Variants in TMEM63C observed in about 807,000 individuals in gnomAD.
The protein encoded by TMEM63C is osmosensitive cation channel TMEM63C.
A neutral mutation model predicts 99.2 loss-of-function variants in TMEM63C; 32 were observed. The ratio of observed to expected loss-of-function variants is 0.32; its 90% CI spans 0.24 to 0.43. TMEM63C has a LOEUF of 0.43. Among genes scored for constraint, TMEM63C ranks in the 20% least tolerant of loss-of-function variants. The probability of loss-of-function intolerance (pLI) is 1.00; values close to 1 mark genes in which losing one functional copy is unlikely to be tolerated. For missense variants in TMEM63C, 826 were observed against 1,053.0 expected (o/e 0.78, Z 2.98); for synonymous variants, 376 against 397.9 (o/e 0.94, Z 0.66).
chr14:77,202,474 T>G (rs1888314865), intron 1 of TMEM63C, among the ~76,000 whole-genome samples: 1 of 152,146 alleles, frequency 6.6e-6, no homozygotes, highest in Non-Finnish European at 1.5e-5. Flanking sequence ...GAAATCAAGG[T>G]GTCAGCAGGG....
chr14:77,240,708 G>A, intron 13 of TMEM63C, 100 bp downstream of exon 13: 1 of 1,449,188 alleles, frequency 6.9e-7, no homozygotes, highest in Non-Finnish European at 9.3e-7. Flanking sequence ...GCCTCCCCTG[G>A]GCCCTCCATG....
At chr14:77,194,889 C>T (rs1266776891) in intron 1 of TMEM63C, among the ~76,000 whole-genome samples, 3 of 151,840 alleles carry the variant, frequency 2.0e-5, no homozygotes, top group East Asian at 1.9e-4. Context: ...GCGTGGATTT[C>T]GTTTTCATTG....
intron 1 of TMEM63C, among the ~76,000 whole-genome samples, chr14:77,208,983 C>A (rs1482292734): frequency 6.6e-6 from 1 of 152,088 alleles, no homozygotes; most frequent in African/African-American, 2.4e-5. Context: ...AATCCTCTCA[C>A]CCCATGCTGA....
intron 10 of TMEM63C, 37 bp from the exon 11 acceptor site, chr14:77,239,375 C>G: frequency 6.2e-7 from 1 of 1,610,466 alleles, no homozygotes; most frequent in Non-Finnish European, 8.5e-7. Flanking sequence ...ATCCCCAACC[C>G]CACAGGCCGA....
chr14:77,223,256 A>G (rs577988057), intron 5 of TMEM63C, among the ~76,000 whole-genome samples: 3 of 152,206 alleles, frequency 2.0e-5, no homozygotes, highest in Non-Finnish European at 4.4e-5. Flanking sequence ...AAAATCTAAG[A>G]AGATAAATCC....
chr14:77,256,779 G>A lies in TMEM63C; in HGVS notation c.*53G>A, dbSNP rs1889471034. 6 of 1,562,638 alleles carry A rather than the reference G, an allele frequency of 3.8e-6. No homozygotes were observed. Among genetic ancestry groups the A allele is most frequent in the Middle Eastern group, 3.8e-4 (2 of 5,308 alleles). On this transcript the variant is annotated 3_prime_UTR_variant, in exon 24 of 24. Coordinates refer to ENST00000298351, the MANE Select transcript of TMEM63C (RefSeq NM_020431.4). ...TTGTTGAGGGGTCAGGGGAGGGCCT[G>A]GCAAGGGGAGGCAGGAGGGTGGCCT...
chr14:77,248,819 T>C lies in TMEM63C; in HGVS notation c.1817T>C (p.Val606Ala), dbSNP rs1197588876. The C allele has an allele frequency of 1.2e-6, 2 of 1,614,052 alleles. No homozygotes were observed. The highest frequency in any genetic ancestry group is 2.2e-5 in the East Asian group (1 of 44,888). ...CGTGAGTATGCGTGGATGATGAACG[T>C]GTTCAGCGTGGTGATGGCGTACAGC... ...FGREYAWMMNVFSVVMAYSIT... is the reference protein window; with the variant it reads ...FGREYAWMMNAFSVVMAYSIT... Residue 606 changes from valine to alanine, a missense_variant, in exon 20 of 24, where the codon GTG becomes GCG. Physicochemically the swap from Val to Ala is moderately conservative, Grantham distance 64. Coordinates refer to ENST00000298351, the MANE Select transcript of TMEM63C (RefSeq NM_020431.4).
chr14:77,188,554 G>T (rs72725321), intron 1 of TMEM63C, among the ~76,000 whole-genome samples: 36,811 of 152,136 alleles, frequency 0.24, 5,343 homozygotes, highest in Admixed American at 0.38. Flanking sequence ...GGTATCTAGG[G>T]CAGCAATGCT....
chr14:77,259,168 C>T lies in TMEM63C; in HGVS notation c.*2442C>T, dbSNP rs1889535874. 6.5e-6 allele frequency: 1 copy of T among 153,150 alleles called. No homozygotes were observed. Among genetic ancestry groups the T allele is most frequent in the South Asian group, 2.1e-4 (1 of 4,858 alleles). The allele number at this position is 153,150 out of a possible 1,614,324, so 9.5% of individuals were successfully genotyped here. A position where few individuals can be genotyped will look rare whatever the true frequency, so the allele number is the denominator to read the frequency against. On this transcript the variant is annotated 3_prime_UTR_variant, in exon 24 of 24. Transcript: ENST00000298351. ...ATCCCACTCCTCTGCCAGCCACTTCCCAGCCGCCCCACCCCACTCCATCCA... is the reference window on the plus strand; with the variant it reads ...ATCCCACTCCTCTGCCAGCCACTTCTCAGCCGCCCCACCCCACTCCATCCA...
At chr14:77,245,062 A>G (rs1889246259) in intron 16 of TMEM63C, among the ~76,000 whole-genome samples, 1 of 152,236 alleles carries the variant, frequency 6.6e-6, no homozygotes, top group Non-Finnish European at 1.5e-5. Flanking sequence ...TTTCCGCACC[A>G]AAAGTTCCTA....
intron 14 of TMEM63C, 96 bp from the exon 15 acceptor site, chr14:77,242,807 G>C: frequency 6.9e-7 from 1 of 1,451,246 alleles, no homozygotes; most frequent in African/African-American, 1.4e-5. Context: ...GATTAGACCA[G>C]GGCAGGCTGG....
At chr14:77,208,867 C>T (rs1888448588) in intron 1 of TMEM63C, among the ~76,000 whole-genome samples, 1 of 152,194 alleles carries the variant, frequency 6.6e-6, no homozygotes. Context: ...AATGCCTTTG[C>T]CCAGCATGGT....
In TMEM63C at chr14:77,249,437, T is replaced by G. The variant is rs1244124519; in HGVS notation, c.2017T>G (p.Phe673Val). 6.2e-7 allele frequency: 1 copy of G among 1,614,034 alleles called. No homozygotes were observed. Among genetic ancestry groups the G allele is most frequent in the Non-Finnish European group, 8.5e-7 (1 of 1,179,898 alleles). The change falls in exon 21 of 24, where the codon TTC becomes GTC. Residue 673 changes from phenylalanine to valine, a missense_variant. Physicochemically the swap from Phe to Val is conservative, Grantham distance 50. Coordinates refer to ENST00000298351, the MANE Select transcript of TMEM63C (RefSeq NM_020431.4). The part of the protein sequence containing the change: ...APLLGLFWML[F>V]FSILRLGSLH... ...ACTCTTGGGTCTGTTCTGGATGCTG[T>G]TCTTCTCCATCCTGCGGTTGGGTAG... is the stretch of plus-strand genomic sequence containing the variant.
chr14:77,220,856 T>C lies in TMEM63C; in HGVS notation c.312+769T>C, dbSNP rs1487809776. 5.0e-4 allele frequency among the ~76,000 whole-genome samples: 42 copies of C among 83,644 alleles called. No homozygotes were observed. In the East Asian group the frequency reaches 6.1e-3, roughly 12 times the overall value. 54.9% of individuals were successfully genotyped at this position (83,644 alleles called of 152,430 possible). Reference sequence around the variant, plus strand: ...GCTGCTGTCACCACTTCCTCACCTCTCACTCACGCCCCGCCTCCCACTCAC... The same window carrying C: ...GCTGCTGTCACCACTTCCTCACCTCCCACTCACGCCCCGCCTCCCACTCAC... On this transcript the variant is annotated intron_variant, in intron 5 of 23. Transcript: ENST00000298351.
chr14:77,201,551 C>T (rs1003116769), intron 1 of TMEM63C, among the ~76,000 whole-genome samples: 18 of 152,116 alleles, frequency 1.2e-4, no homozygotes, highest in Non-Finnish European at 2.5e-4. Context: ...GTGTGAGGTC[C>T]CTGGCCCAGC....
intron 2 of TMEM63C, 29 bp from the exon 3 acceptor site, chr14:77,218,772 A>C: frequency 6.2e-7 from 1 of 1,609,430 alleles, no homozygotes; most frequent in South Asian, 1.1e-5. Context: ...GAGTCTTTGC[A>C]TCTGACCTGG....
At chr14:77,254,233 G>A (rs1189785174) in intron 23 of TMEM63C, among the ~76,000 whole-genome samples, 11 of 152,208 alleles carry the variant, frequency 7.2e-5, no homozygotes, top group African/African-American at 2.7e-4. Flanking sequence ...TTTCGGCACG[G>A]TGGAAATGCG....
intron 6 of TMEM63C, among the ~76,000 whole-genome samples, chr14:77,229,601 C>G (rs1888896670): frequency 9.0e-6 from 1 of 111,600 alleles, no homozygotes. Flanking sequence ...GCACATGCTA[C>G]CACACCCAGC....
intron 15 of TMEM63C, among the ~76,000 whole-genome samples, chr14:77,243,463 TGTAGTAGG>T (rs551506159): frequency 6.6e-6 from 1 of 152,200 alleles, no homozygotes; most frequent in African/African-American, 2.4e-5. Flanking sequence ...TCCTGGTTTG[TGTAGTAGG>T]GTTAAAGGTG....
Sources: allele counts gnomAD v4.1 joint callset (sites outside exome capture counted in the v4.1 genomes callset), GRCh38; gene constraint gnomAD v4.1.1; transcripts MANE v1.5; gene names NCBI Gene and HGNC (gene_info 2026-07-23, HGNC 2026-07-21).